Variants in INO80 observed in about 807,000 individuals in gnomAD.
The protein encoded by INO80 is INO80 complex ATPase subunit, also known as chromatin-remodeling ATPase INO80.
Under a neutral mutation model 203.4 loss-of-function variants are expected in INO80, and 20 were observed. The ratio of observed to expected loss-of-function variants is 0.10; its 90% CI spans 0.07 to 0.14. The LOEUF (loss-of-function observed/expected upper bound fraction) is 0.14. Among genes scored for constraint, INO80 ranks in the 10% least tolerant of loss-of-function variants. INO80 has a pLI of 1.00. For missense variants in INO80, 1,419 were observed against 1,914.4 expected, an observed-to-expected ratio of 0.74 and a Z score of 4.83; for synonymous variants, 726 against 685.2, an observed-to-expected ratio of 1.06 and a Z score of -0.93.
rs187577955 is a variant in INO80, at chr15:41,056,926, T to C, written c.1986-220A>G. ...CTACTGAAAACACGGTATTTGGATT[T>C]AGAAAAAAATAGCCTCAAATAGGCA... is the stretch of plus-strand genomic sequence containing the variant. On this transcript the variant is annotated intron_variant, in intron 16 of 35. Transcript: ENST00000648947. Among the ~76,000 whole-genome samples, 410 of 152,334 alleles carry C rather than the reference T, an allele frequency of 2.7e-3. 3 individuals are homozygous for C. Among genetic ancestry groups the C allele is most frequent in the South Asian group, 0.013 (62 of 4,828 alleles).
At chr15:41,067,897 T>C (rs954583976) in intron 14 of INO80, among the ~76,000 whole-genome samples, 27 of 152,220 alleles carry the variant, frequency 1.8e-4, no homozygotes, top group African/African-American at 6.5e-4. Flanking sequence ...TTCTTTTAAA[T>C]TGCAAACAAT....
intron 8 of INO80, among the ~76,000 whole-genome samples, chr15:41,080,146 T>C (rs953533923): frequency 6.6e-5 from 10 of 152,224 alleles, no homozygotes; most frequent in African/African-American, 2.4e-4. Context: ...AAAATTATAA[T>C]GATGAAGAAG....
intron 35 of INO80, among the ~76,000 whole-genome samples, chr15:40,981,679 C>T (rs528081836): frequency 4.7e-4 from 72 of 152,256 alleles, no homozygotes; most frequent in Admixed American, 1.4e-3. Flanking sequence ...GTAAGTGGCT[C>T]TCTCTTTCTC....
intron 25 of INO80, chr15:41,023,093 A>T (rs2044318714): frequency 3.0e-6 from 1 of 330,680 alleles, no homozygotes. Flanking sequence ...AGGGTGACAG[A>T]CTGTCTCAAA....
intron 27 of INO80, among the ~76,000 whole-genome samples, chr15:41,015,094 G>C (rs2044184068): frequency 6.6e-6 from 1 of 152,042 alleles, no homozygotes; most frequent in Non-Finnish European, 1.5e-5. Context: ...CTGTTTCTAG[G>C]TCTGTGACCT....
chr15:41,010,676 C>G (rs987516135), intron 27 of INO80, among the ~76,000 whole-genome samples: 1 of 152,192 alleles, frequency 6.6e-6, no homozygotes, highest in Non-Finnish European at 1.5e-5. Flanking sequence ...TGTCCATAAC[C>G]TGATCTATCA....
chr15:41,102,537 G>C (rs939798284), intron 1 of INO80, among the ~76,000 whole-genome samples: 6 of 151,930 alleles, frequency 3.9e-5, no homozygotes, highest in African/African-American at 1.4e-4. Flanking sequence ...GTGTGGTGGC[G>C]GGTTTGCCTG....
At chr15:41,112,590 C>T (rs1428802935) in intron 1 of INO80, among the ~76,000 whole-genome samples, 1 of 151,856 alleles carries the variant, frequency 6.6e-6, no homozygotes, top group Non-Finnish European at 1.5e-5. Flanking sequence ...AGATCGAGAC[C>T]ATCCTGGCCA....
chr15:41,085,687 A>G (rs1243909652), intron 6 of INO80, 104 bp from the exon 7 acceptor site: 6 of 775,246 alleles, frequency 7.7e-6, no homozygotes, highest in Non-Finnish European at 1.3e-5. Flanking sequence ...TCCACCTGAC[A>G]CTGACAACAC....
chr15:41,023,109 AAAAAAAAAAGTT>A, intron 25 of INO80: 1 of 360,322 alleles, frequency 2.8e-6, no homozygotes, highest in African/African-American at 2.1e-5. Flanking sequence ...TCAAAAAAAA[AAAAAAAAAAGTT>A]AAAAAAAGAA....
At chr15:41,085,893 CCT>C (rs1387431297) in intron 6 of INO80, among the ~76,000 whole-genome samples, 2 of 152,088 alleles carry the variant, frequency 1.3e-5, no homozygotes, top group Non-Finnish European at 2.9e-5. Flanking sequence ...GGAGCCTCGC[CCT>C]GTCGCCCAGG....
At chr15:41,073,995 C>T (rs1051898761) in intron 10 of INO80, among the ~76,000 whole-genome samples, 7 of 152,098 alleles carry the variant, frequency 4.6e-5, no homozygotes, top group African/African-American at 1.7e-4. Context: ...CACATAAAGA[C>T]AACTGAACAG....
chr15:41,092,568 G>C (rs550869971), intron 4 of INO80, among the ~76,000 whole-genome samples: 1 of 151,970 alleles, frequency 6.6e-6, no homozygotes, highest in Non-Finnish European at 1.5e-5. Flanking sequence ...TGGCCCAAAA[G>C]GAGAAATATC....
At chr15:41,057,797 C>CAAAAAAAAAAAAAAA (rs35197370) in intron 16 of INO80, among the ~76,000 whole-genome samples, 2 of 29,346 alleles carry the variant, frequency 6.8e-5, no homozygotes, top group African/African-American at 1.2e-4. Context: ...AACTACATCT[C>CAAAAAAAAAAAAAAA]AAAAAAAAAA....
intron 14 of INO80, among the ~76,000 whole-genome samples, chr15:41,061,524 G>A (rs1188388869): frequency 6.7e-6 from 1 of 149,710 alleles, no homozygotes; most frequent in Non-Finnish European, 1.5e-5. Flanking sequence ...TCGGGAGGCT[G>A]AGGCAGGAAA....
Position 41,116,132 on chromosome 15 carries a change from TC to T in INO80, c.-204del. On this transcript the variant is annotated 5_prime_UTR_variant, in exon 1 of 36. An upstream open reading frame in the 5' UTR loses its in-frame stop. Coordinates refer to ENST00000648947, the MANE Select transcript of INO80 (RefSeq NM_017553.3). ...TTGGGCGTGGACGCTCCTAGCTCGC[TC>T]CCTCCGCGGCTCCTGGGACCCCAAG... The T allele has an allele frequency of 2.5e-6, 1 of 401,112 alleles. No homozygotes were observed. Among genetic ancestry groups the T allele is most frequent in the Non-Finnish European group, 4.4e-6 (1 of 228,498 alleles). 24.8% of individuals were successfully genotyped at this position (401,112 alleles called of 1,614,324 possible).
intron 29 of INO80, among the ~76,000 whole-genome samples, chr15:40,995,765 G>A (rs2043873107): frequency 1.3e-5 from 2 of 152,122 alleles, no homozygotes; most frequent in Admixed American, 1.3e-4. Context: ...GAGATAACAA[G>A]GAAAAAGGCA....
At chr15:41,070,582 C>T (rs756027970) in intron 12 of INO80, 35 bp from the exon 13 acceptor site, 1 of 1,509,684 alleles carries the variant, frequency 6.6e-7, no homozygotes, top group Non-Finnish European at 9.2e-7. Flanking sequence ...ACACCTCATG[C>T]ATTTCATCAA....
intron 9 of INO80, among the ~76,000 whole-genome samples, chr15:41,079,225 T>C (rs1300928244): frequency 6.6e-6 from 1 of 152,156 alleles, no homozygotes; most frequent in Non-Finnish European, 1.5e-5. Flanking sequence ...TATCTGGCCC[T>C]GAATTTGGCA....
Sources: allele counts gnomAD v4.1 joint callset (sites outside exome capture counted in the v4.1 genomes callset), GRCh38; gene constraint gnomAD v4.1.1; transcripts MANE v1.5; gene names NCBI Gene and HGNC (gene_info 2026-07-23, HGNC 2026-07-21).